The following AKR1A1 variants were observed in gnomAD, a reference collection of about 807,000 sequenced individuals.
AKR1A1 encodes HEL-S-165mP.
Under a neutral mutation model 39.2 loss-of-function variants are expected in AKR1A1, and 26 were observed. The observed-to-expected ratio is 0.66, with a 90% CI of 0.49 to 0.92. The LOEUF is 0.92. AKR1A1 is among the 40% of genes least tolerant of loss of function. AKR1A1 has a pLI of 0.00. For synonymous variants in AKR1A1, 141 were observed against 155.5 expected (o/e 0.91, Z 0.69); for missense variants, 378 against 406.5 (o/e 0.93, Z 0.60).
intron 2 of AKR1A1, among the ~76,000 whole-genome samples, chr1:45,563,910 G>A (rs1302966207): frequency 6.6e-6 from 1 of 152,162 alleles, no homozygotes; most frequent in Admixed American, 6.6e-5. Context: ...CAGCTGAGGG[G>A]AGTCTGGGAA....
In AKR1A1 at chr1:45,564,805, TTTTA is replaced by T. The variant is rs372756811; in HGVS notation, c.85-1743_85-1740del. Among the ~76,000 whole-genome samples, 172 of 151,562 alleles carry T rather than the reference TTTTA, an allele frequency of 1.1e-3. No homozygotes were observed. The East Asian group carries it at 0.014, about 12-fold the overall frequency. On this transcript the variant is annotated intron_variant, in intron 2 of 8. Transcript: ENST00000351829. ...TATTTATTTTTGAAAATTTTTAAAT[TTTTA>T]TTTATTTATTTATTTATTTAATTTT...
chr1:45,568,627 C>A lies in AKR1A1; in HGVS notation c.695C>A (p.Pro232Gln). ...DPDEPVLLEE[P>Q]VVLALAEKYG... ...GATGAGCCTGTCCTGCTGGAGGAAC[C>A]AGTAGTCCTGGCATTGGCTGAAAAG... The change falls in exon 6 of 9, where the codon CCA becomes CAA. Residue 232 changes from proline (P) to glutamine (Q), a missense_variant. By Grantham distance (76) the Pro-to-Gln change is moderately conservative. Coordinates refer to ENST00000351829, the MANE Select transcript of AKR1A1 (RefSeq NM_153326.3). The A allele has an allele frequency of 1.2e-6, 2 of 1,613,922 alleles. No individual in the cohort carries two copies. Among genetic ancestry groups the A allele is most frequent in the Non-Finnish European group, 1.7e-6 (2 of 1,179,926 alleles).
chr1:45,558,972 A>C (rs1309058561), intron 1 of AKR1A1, among the ~76,000 whole-genome samples: 2 of 152,242 alleles, frequency 1.3e-5, no homozygotes, highest in African/African-American at 2.4e-5. Flanking sequence ...AAAAGGTTGT[A>C]TCTACCTCAT....
chr1:45,553,346 T>C (rs959974712), intron 1 of AKR1A1, among the ~76,000 whole-genome samples: 1 of 150,444 alleles, frequency 6.6e-6, no homozygotes, highest in African/African-American at 2.4e-5. Flanking sequence ...CGGTTGAACC[T>C]GGAAGGCGAA....
intron 2 of AKR1A1, 63 bp downstream of exon 2, chr1:45,561,941 C>A (rs2148297905): frequency 1.3e-6 from 2 of 1,515,804 alleles, no homozygotes; most frequent in African/African-American, 2.7e-5. Flanking sequence ...CCTAGCAGCC[C>A]CACCCCCATA....
chr1:45,568,877 G>T lies in AKR1A1; in HGVS notation c.753-50G>T, dbSNP rs183705160. ...GAAGCTGCATGGGGAACAAAATAGT[G>T]CTTATGAATACTGACCCCTTTTCCT... On this transcript the variant is annotated intron_variant, in intron 6 of 8. Coordinates refer to ENST00000351829, the MANE Select transcript of AKR1A1 (RefSeq NM_153326.3). 5.8e-5 allele frequency: 93 copies of T among 1,592,634 alleles called. No individual in the cohort carries two copies. In the East Asian group the frequency reaches 1.4e-3, roughly 24 times the overall value.
chr1:45,561,738 C>G (rs1644280266), intron 1 of AKR1A1, 51 bp from the exon 2 acceptor site: 1 of 1,576,560 alleles, frequency 6.3e-7, no homozygotes, highest in African/African-American at 1.3e-5. Flanking sequence ...AATCTGAGAC[C>G]TGAACAACAG....
At position 45,553,715 on chromosome 1, in the gene AKR1A1, C is replaced by T. The variant is rs947342197; in HGVS notation, c.-7+2560C>T. On this transcript the variant is annotated intron_variant, in intron 1 of 8. Transcript: ENST00000351829. ...GCTTTTCTAGAAGTATAGGAGAGGCCGGGTGTGGTGGCTCATGCCTGTAAT... is the reference window on the plus strand; with the variant it reads ...GCTTTTCTAGAAGTATAGGAGAGGCTGGGTGTGGTGGCTCATGCCTGTAAT... Among the ~76,000 whole-genome samples, 3 of 151,550 alleles carry T rather than the reference C, an allele frequency of 2.0e-5. No individual in the cohort carries two copies. In the East Asian group the frequency reaches 5.8e-4, roughly 30 times the overall value.
chr1:45,553,493 G>C (rs1190714482), intron 1 of AKR1A1, among the ~76,000 whole-genome samples: 1 of 151,982 alleles, frequency 6.6e-6, no homozygotes, highest in Non-Finnish European at 1.5e-5. Flanking sequence ...ACTAGAGAAA[G>C]ATTTAGGAAT....
chr1:45,563,056 C>T (rs1404542673), intron 2 of AKR1A1, among the ~76,000 whole-genome samples: 1 of 149,682 alleles, frequency 6.7e-6, no homozygotes, highest in Non-Finnish European at 1.5e-5. Flanking sequence ...CTGCAGTGAC[C>T]TATGATCATG....
rs1644165258 is a variant in AKR1A1, at chr1:45,553,821, G to T, written c.-7+2666G>T. Among the ~76,000 whole-genome samples, 2 of 151,414 alleles carry T rather than the reference G, an allele frequency of 1.3e-5. 1 individual carries two copies. The highest frequency in any genetic ancestry group is 4.2e-4 in the South Asian group (2 of 4,814). ...ATCCTGGTTAACATGGTGAAACCCT[G>T]TCTCTACTAAAAAATACAAAAAAAT... is the stretch of plus-strand genomic sequence containing the variant. On this transcript the variant is annotated intron_variant, in intron 1 of 8. Transcript: ENST00000351829.
At chr1:45,556,096 G>C (rs1384609640) in intron 1 of AKR1A1, among the ~76,000 whole-genome samples, 1 of 152,166 alleles carries the variant, frequency 6.6e-6, no homozygotes, top group Non-Finnish European at 1.5e-5. Flanking sequence ...CACTCATGTA[G>C]ATATTGTTTC....
At chr1:45,568,763 G>A in intron 6 of AKR1A1, 79 bp downstream of exon 6, 3 of 1,572,066 alleles carry the variant, frequency 1.9e-6, no homozygotes, top group Non-Finnish European at 8.7e-7. Flanking sequence ...GTCTGGGTGA[G>A]GCTGAGGATC....
At chr1:45,561,722 A>G (rs926098682) in intron 1 of AKR1A1, 67 bp from the exon 2 acceptor site, 1 of 1,505,088 alleles carries the variant, frequency 6.6e-7, no homozygotes, top group South Asian at 1.1e-5. Context: ...TATTCTTGAC[A>G]GTGGAAATCT....
At chr1:45,552,702 C>G (rs1644146779) in intron 1 of AKR1A1, 2 of 152,172 alleles carry the variant, frequency 1.3e-5, no homozygotes, top group African/African-American at 2.4e-5. Flanking sequence ...TTTGAGAAGC[C>G]TGGACTTTAT....
chr1:45,564,247 C>T (rs1246516541), intron 2 of AKR1A1, among the ~76,000 whole-genome samples: 1 of 152,104 alleles, frequency 6.6e-6, no homozygotes, highest in Non-Finnish European at 1.5e-5. Flanking sequence ...GGAGCTAGGT[C>T]AAGGCAGAGG....
chr1:45,551,618 T>A (rs1644132508), intron 1 of AKR1A1, among the ~76,000 whole-genome samples: 1 of 152,154 alleles, frequency 6.6e-6, no homozygotes, highest in Non-Finnish European at 1.5e-5. Flanking sequence ...GCCCCAGAAC[T>A]CTGTTAAAGT....
intron 5 of AKR1A1, 91 bp from the exon 6 acceptor site, chr1:45,568,394 C>A: frequency 2.1e-6 from 3 of 1,421,804 alleles, no homozygotes; most frequent in South Asian, 1.2e-5. Flanking sequence ...GAGGAGTCAG[C>A]AATAGGGGGT....
At chr1:45,567,072 TGTTA>T (rs778209024) in intron 4 of AKR1A1, 52 bp downstream of exon 4, 1 of 1,589,386 alleles carries the variant, frequency 6.3e-7, no homozygotes. Flanking sequence ...AGCAGGATGG[TGTTA>T]GTAACTTATT....
Sources: gnomAD v4.1 joint callset for allele counts (sites outside exome capture counted in the v4.1 genomes callset) on GRCh38, gnomAD v4.1.1 for gene constraint, MANE v1.5 for transcripts, NCBI Gene and HGNC (gene_info 2026-07-23, HGNC 2026-07-21) for gene names.